The following HMCN2 variants were observed in gnomAD, a reference collection of about 807,000 sequenced individuals.
HMCN2 encodes the protein hemicentin 2.
A neutral mutation model predicts 377.5 loss-of-function variants in HMCN2; 325 were observed. That is an observed-to-expected ratio of 0.86 (90% confidence interval 0.79 to 0.94). HMCN2 has a LOEUF of 0.94. Among genes scored for constraint, HMCN2 ranks in the 40% least tolerant of loss-of-function variants. HMCN2 has a pLI of 0.00. For missense variants in HMCN2, 4,543 were observed against 4,725.3 expected, an observed-to-expected ratio of 0.96 and a Z score of 1.13; for synonymous variants, 2,007 against 2,046.8, an observed-to-expected ratio of 0.98 and a Z score of 0.53.
At chr9:130,286,090 C>A in intron 3 of HMCN2, 98 bp from the exon 4 acceptor site, 2 of 431,512 alleles carry the variant, frequency 4.6e-6, no homozygotes. Context: ...GAGGAGAGGG[C>A]CCACTCCAGG....
At chr9:130,403,388 G>GC (rs1244984768) in intron 79 of HMCN2, 60 bp downstream of exon 79, 1 of 1,278,258 alleles carries the variant, frequency 7.8e-7, no homozygotes, top group East Asian at 5.6e-5. Context: ...CTGGGCAGGG[G>GC]GGGAGTCCTG....
chr9:130,408,248 A>G (rs1843208334), intron 83 of HMCN2, among the ~76,000 whole-genome samples: 1 of 152,226 alleles, frequency 6.6e-6, no homozygotes, highest in Non-Finnish European at 1.5e-5. Context: ...ACCTCAGGAA[A>G]CCAGGAAGGA....
intron 22 of HMCN2, among the ~76,000 whole-genome samples, chr9:130,332,657 C>T (rs1417280313): frequency 6.6e-6 from 1 of 152,258 alleles, no homozygotes. Context: ...GGCACCTCCT[C>T]CTGAATTTCT....
chr9:130,358,524 T>A (rs1182632674), intron 36 of HMCN2, 38 bp downstream of exon 36: 3 of 1,304,072 alleles, frequency 2.3e-6, no homozygotes, highest in African/African-American at 3.0e-5. Context: ...CAGGCCAGCA[T>A]GTTGGGTGAT....
At chr9:130,398,522 C>T in intron 74 of HMCN2, 29 bp from the exon 75 acceptor site, 3 of 1,167,544 alleles carry the variant, frequency 2.6e-6, no homozygotes, top group Non-Finnish European at 3.3e-6. Context: ...CCCCCTGCAC[C>T]TGTCTCCTGA....
chr9:130,358,337 C>G, intron 35 of HMCN2, 53 bp from the exon 36 acceptor site: 5 of 1,302,632 alleles, frequency 3.8e-6, no homozygotes, highest in Non-Finnish European at 3.0e-6. Flanking sequence ...CTCGCCATGT[C>G]CCGTCATCAC....
intron 15 of HMCN2, among the ~76,000 whole-genome samples, chr9:130,317,922 C>G (rs879058167): frequency 0.37 from 56,263 of 151,858 alleles, 11,103 homozygotes; most frequent in African/African-American, 0.5. Context: ...TGGGAGGCTG[C>G]AGCTGGGCTC....
rs1588211084 is a variant in HMCN2 at position 130,305,959 on chromosome 9, C to T, written c.1817-170C>T. 2.0e-5 allele frequency among the ~76,000 whole-genome samples: 3 copies of T among 152,196 alleles called. No individual in the cohort carries two copies. The East Asian group carries it at 5.8e-4, about 29-fold the overall frequency. On this transcript the variant is annotated intron_variant, in intron 11 of 97. Transcript: ENST00000683500. The stretch of plus-strand genomic sequence containing the variant: ...ATGTGCTCAGGGGCCGCCTGGTCTA[C>T]CCAATTCCCAGAGAAGCCACACCCG...
chr9:130,411,618 A>G (rs1410728321), intron 85 of HMCN2, among the ~76,000 whole-genome samples: 1 of 150,968 alleles, frequency 6.6e-6, no homozygotes, highest in Non-Finnish European at 1.5e-5. Context: ...AAAAAAAAAA[A>G]GAACAAAAGG....
intron 25 of HMCN2, among the ~76,000 whole-genome samples, chr9:130,344,029 C>T (rs915422974): frequency 1.3e-5 from 2 of 151,928 alleles, no homozygotes; most frequent in African/African-American, 2.4e-5. Context: ...GTGAGGGACC[C>T]TGGGCAGCAG....
chr9:130,425,656 T>TCCCCCC, intron 89 of HMCN2, 31 bp from the exon 90 acceptor site: 10 of 330,030 alleles, frequency 3.0e-5, no homozygotes, highest in South Asian at 1.3e-4. Flanking sequence ...CCCCCACCCC[T>TCCCCCC]CCTCCTCCTC....
chr9:130,365,737 T>A lies in HMCN2; in HGVS notation c.6505+10T>A. 2 of 984,936 alleles carry A rather than the reference T, an allele frequency of 2.0e-6. No homozygotes were observed. The highest frequency in any genetic ancestry group is 2.4e-6 in the Non-Finnish European group (2 of 829,042). The allele number at this position is 984,936 out of a possible 1,614,324, so 61.0% of individuals were successfully genotyped here. On this transcript the variant is annotated intron_variant, in intron 42 of 97. Transcript: ENST00000683500. ...AATCTGAACGTCTGGGGTGAGGGTC[T>A]CCCAGGCTGGGCAGGGGGAGGGGGC...
chr9:130,383,335 C>G (rs528662971), intron 56 of HMCN2, among the ~76,000 whole-genome samples, 169 bp from the exon 57 acceptor site: 2 of 152,340 alleles, frequency 1.3e-5, no homozygotes, highest in East Asian at 3.9e-4. Context: ...CACGCCCGCT[C>G]CTGAGCGCCA....
In HMCN2 at chr9:130,302,958, C is replaced by T. The variant is rs782372093; in HGVS notation, c.1378C>T (p.Leu460=). 16 of 470,704 alleles carry T rather than the reference C, an allele frequency of 3.4e-5. 1 individual carries two copies. The Middle Eastern group carries it at 2.3e-3, about 67-fold the overall frequency. 29.2% of individuals were successfully genotyped at this position (470,704 alleles called of 1,614,324 possible). ...VHSALPFRLQ[L]RRGEARLGEE... Reference sequence around the variant, plus strand: ...CAGTGCCCTTCCCTTCCGGCTGCAGCTGCGGCGAGGTGAAGCCAGGCTGGG... The same window carrying T: ...CAGTGCCCTTCCCTTCCGGCTGCAGTTGCGGCGAGGTGAAGCCAGGCTGGG... The change falls in exon 9 of 98, where the codon CTG becomes TTG. Residue 460 remains leucine, a synonymous_variant. Transcript: ENST00000683500.
chr9:130,425,643 TCTCCCCCACCCCTCCTCCTCCTCCC>T lies in HMCN2; in HGVS notation c.13642-39_13642-15del. 1 of 582,130 alleles carries T rather than the reference TCTCCCCCACCCCTCCTCCTCCTCCC, an allele frequency of 1.7e-6. No homozygotes were observed. The highest frequency in any genetic ancestry group is 2.9e-6 in the Non-Finnish European group (1 of 341,194). 36.1% of individuals were successfully genotyped at this position (582,130 alleles called of 1,614,324 possible). A position where few individuals can be genotyped will look rare whatever the true frequency, so the allele number is the denominator to read the frequency against. Reference sequence around the variant, plus strand: ...CTTCCAACCCTGACCCCTTTCTCCCTCTCCCCCACCCCTCCTCCTCCTCCCCTCCTCTTCATCCTGCAGGACTTTG... The same window carrying T: ...CTTCCAACCCTGACCCCTTTCTCCCTCTCCTCTTCATCCTGCAGGACTTTG... On this transcript the variant is annotated intron_variant, in intron 89 of 97. Coordinates refer to ENST00000683500, the MANE Select transcript of HMCN2 (RefSeq NM_001291815.2).
intron 15 of HMCN2, among the ~76,000 whole-genome samples, 155 bp from the exon 16 acceptor site, chr9:130,319,340 C>T (rs1289146751): frequency 6.6e-6 from 1 of 152,190 alleles, no homozygotes; most frequent in Non-Finnish European, 1.5e-5. Context: ...GTGGATGCCA[C>T]TCAGCACAGG....
At chr9:130,392,965 C>G (rs368643003) in intron 66 of HMCN2, among the ~76,000 whole-genome samples, 2 of 150,416 alleles carry the variant, frequency 1.3e-5, no homozygotes, top group African/African-American at 4.9e-5. Flanking sequence ...CACTGCACTC[C>G]AGCCTGGGTG....
Position 130,285,513 on chromosome 9 carries a change from A to G in HMCN2, c.489+197A>G, listed in dbSNP as rs551660001. On this transcript the variant is annotated intron_variant, in intron 3 of 97. Coordinates refer to ENST00000683500, the MANE Select transcript of HMCN2 (RefSeq NM_001291815.2). The stretch of plus-strand genomic sequence containing the variant: ...GCCCAGGAAGTGTGAGTGTGCTCTC[A>G]TGCTGTAGGCCCAGGCCAGGGCTCA... Among the ~76,000 whole-genome samples the G allele has an allele frequency of 5.9e-5, 9 of 152,332 alleles. No individual in the cohort carries two copies. The South Asian group carries it at 1.0e-3, about 18-fold the overall frequency.
chr9:130,355,956 G>A, intron 33 of HMCN2, 102 bp downstream of exon 33: 5 of 928,334 alleles, frequency 5.4e-6, no homozygotes, highest in Non-Finnish European at 7.4e-6. Flanking sequence ...CCTGTTTCCA[G>A]GAGTAGGAAA....
Sources: allele counts gnomAD v4.1 joint callset (sites outside exome capture counted in the v4.1 genomes callset), GRCh38; gene constraint gnomAD v4.1.1; transcripts MANE v1.5; gene names NCBI Gene and HGNC (gene_info 2026-07-23, HGNC 2026-07-21).